AKT2: variants seen among roughly 807,000 people sequenced by gnomAD.
AKT2 encodes the protein AKT serine/threonine kinase 2, also known as RAC-beta serine/threonine-protein kinase.
In AKT2, 16 loss-of-function variants were observed where a neutral mutation model predicts 58.6. The observed-to-expected ratio is 0.27, with a 90% confidence interval of 0.18 to 0.41. The LOEUF (loss-of-function observed/expected upper bound fraction) is 0.41, where lower values mean the gene tolerates loss of function less well. Among genes scored for constraint, AKT2 ranks in the 10% least tolerant of loss-of-function variants. The probability of loss-of-function intolerance (pLI) is 1.00; values close to 1 mark genes in which losing one functional copy is unlikely to be tolerated. For synonymous variants in AKT2, 253 were observed against 254.0 expected (o/e 1.00, Z 0.04); for missense variants, 438 against 661.0 (o/e 0.66, Z 3.70).
At chr19:40,236,602 T>C (rs771651130) in intron 9 of AKT2, 479 of 630,032 alleles carry the variant, frequency 7.6e-4, no homozygotes, top group Non-Finnish European at 1.2e-3. Flanking sequence ...TGGGAACAGC[T>C]GGGCAGGGAG....
chr19:40,275,137 C>T (rs898223887), intron 1 of AKT2: 1 of 456,812 alleles, frequency 2.2e-6, no homozygotes, highest in Non-Finnish European at 4.4e-6. Context: ...AGCCAAGGAG[C>T]CCGGACCCCT....
chr19:40,271,445 A>C (rs1348917322), intron 1 of AKT2, among the ~76,000 whole-genome samples: 4 of 147,618 alleles, frequency 2.7e-5, no homozygotes, highest in African/African-American at 7.6e-5. Context: ...AAAAAAAAAA[A>C]CCAAAAAACC....
At position 40,252,603 on chromosome 19, in the gene AKT2, TCC is replaced by T. The variant is rs893148312; in HGVS notation, c.287+2553_287+2554del. 2.0e-4 allele frequency among the ~76,000 whole-genome samples: 12 copies of T among 59,440 alleles called. No individual in the cohort carries two copies. In the Admixed American group the frequency reaches 2.8e-3, roughly 14 times the overall value. 39.0% of individuals were successfully genotyped at this position (59,440 alleles called of 152,430 possible). On this transcript the variant is annotated intron_variant, in intron 4 of 13. Transcript: ENST00000392038. ...GTGCCTGCCAAGCCCTGTGGGGATC[TCC>T]ACCTGGAGTCCAAGGCCTTGGCTGA...
chr19:40,242,747 G>A lies in AKT2; in HGVS notation c.288-60C>T. 1 of 1,583,596 alleles carries A rather than the reference G, an allele frequency of 6.3e-7. No homozygotes were observed. Among genetic ancestry groups the A allele is most frequent in the Non-Finnish European group, 8.6e-7 (1 of 1,165,338 alleles). On this transcript the variant is annotated intron_variant, in intron 4 of 13. Transcript: ENST00000392038. The surrounding 1 kb of genome is among the most constrained non-coding windows in gnomAD (Gnocchi z 4.3). ...GAGTCCTGGGCCTCAGAGTCGAACA[G>A]CTGAGTGCCACCTCCCAGCCACCCC...
At position 40,234,061 on chromosome 19, in the gene AKT2, G is replaced by A; in HGVS notation, c.1367-110C>T. The A allele has an allele frequency of 9.3e-7, 1 of 1,077,520 alleles. No homozygotes were observed. Among genetic ancestry groups the A allele is most frequent in the Non-Finnish European group, 1.3e-6 (1 of 747,414 alleles). The allele number at this position is 1,077,520 out of a possible 1,614,324, so 66.7% of individuals were successfully genotyped here. A position where few individuals can be genotyped will look rare whatever the true frequency, so the allele number is the denominator to read the frequency against. On this transcript the variant is annotated intron_variant, in intron 13 of 13. Transcript: ENST00000392038. The surrounding 1 kb of genome is among the most constrained non-coding windows in gnomAD (Gnocchi z 4.7). ...GCTGGCGGGGGCTGCCCACAGGACAGGACAGGAAAGGCCCATCCCTCCGCA... is the reference window on the plus strand; with the variant it reads ...GCTGGCGGGGGCTGCCCACAGGACAAGACAGGAAAGGCCCATCCCTCCGCA...
chr19:40,266,048 G>T (rs1295917774), intron 1 of AKT2: 1 of 152,836 alleles, frequency 6.5e-6, no homozygotes, highest in Non-Finnish European at 1.5e-5. Context: ...GCCAGTCCTG[G>T]GGGCTTGACC....
chr19:40,275,436 C>T (rs1174004998), intron 1 of AKT2: 1 of 402,010 alleles, frequency 2.5e-6, no homozygotes, highest in Non-Finnish European at 5.1e-6. Flanking sequence ...ACTCACAAAG[C>T]ACCAGGCATG....
At position 40,235,602 on chromosome 19, in the gene AKT2, C is replaced by T. The variant is rs1246539184; in HGVS notation, c.1176-252G>A. ...GAGTCCAGAAAGGGAGTTAGTAGGG[C>T]AGGCTCCGTTCCTATCCTGGCTCTG... On this transcript the variant is annotated intron_variant, in intron 11 of 13. Transcript: ENST00000392038. The surrounding 1 kb of genome is among the most constrained non-coding windows in gnomAD (Gnocchi z 6.3). 2 of 617,844 alleles carry T rather than the reference C, an allele frequency of 3.2e-6. No homozygotes were observed. Among genetic ancestry groups the T allele is most frequent in the Non-Finnish European group, 5.7e-6 (2 of 348,364 alleles). The allele number at this position is 617,844 out of a possible 1,614,324, so 38.3% of individuals were successfully genotyped here. A position where few individuals can be genotyped will look rare whatever the true frequency, so the allele number is the denominator to read the frequency against.
rs1861036282 is a variant in AKT2, at chr19:40,232,344, G to C, written c.*1528C>G. Reference sequence around the variant, plus strand: ...CAGGCTGGGCCCTGGTCTGAAATGAGTGTCTTTATTGCTTGTACCGTACAA... The same window carrying C: ...CAGGCTGGGCCCTGGTCTGAAATGACTGTCTTTATTGCTTGTACCGTACAA... On this transcript the variant is annotated 3_prime_UTR_variant, in exon 14 of 14. Transcript: ENST00000392038. The C allele has an allele frequency of 4.3e-6, 1 of 233,662 alleles. No individual in the cohort carries two copies. The highest frequency in any genetic ancestry group is 2.2e-5 in the African/African-American group (1 of 45,304). The allele number at this position is 233,662 out of a possible 1,614,324, so 14.5% of individuals were successfully genotyped here.
chr19:40,253,198 A>AG (rs907240774), intron 4 of AKT2, among the ~76,000 whole-genome samples: 1 of 152,232 alleles, frequency 6.6e-6, no homozygotes, highest in African/African-American at 2.4e-5. Flanking sequence ...CAATTGGCAC[A>AG]GGTGCCTACT....
At chr19:40,239,076 C>T (rs551299940) in intron 7 of AKT2, 103 bp from the exon 8 acceptor site, 1 of 1,256,526 alleles carries the variant, frequency 8.0e-7, no homozygotes, top group African/African-American at 1.5e-5. Flanking sequence ...CACACACACC[C>T]TGCCCTGGCT....
intron 1 of AKT2, chr19:40,282,333 G>A (rs999084378): frequency 1.3e-5 from 5 of 381,154 alleles, no homozygotes; most frequent in African/African-American, 4.2e-5. Flanking sequence ...TGTGGTCCAA[G>A]GTCGCAGAGC....
chr19:40,261,656 C>A (rs564322260), intron 2 of AKT2, among the ~76,000 whole-genome samples: 1 of 152,000 alleles, frequency 6.6e-6, no homozygotes, highest in African/African-American at 2.4e-5. Flanking sequence ...ACCTCCAGAA[C>A]GGTAAGAAAT....
chr19:40,247,759 G>A (rs1162967950), intron 4 of AKT2, among the ~76,000 whole-genome samples: 1 of 152,132 alleles, frequency 6.6e-6, no homozygotes, highest in African/African-American at 2.4e-5. Context: ...CGCCCTCCCA[G>A]CAACCCTGTG....
At position 40,242,256 on chromosome 19, in the gene AKT2, C is replaced by T; in HGVS notation, c.442-187G>A. On this transcript the variant is annotated intron_variant, in intron 5 of 13. Coordinates refer to ENST00000392038, the MANE Select transcript of AKT2 (RefSeq NM_001626.6). This position sits in a 1 kb window ranked among gnomAD's most constrained non-coding sequence, Gnocchi z 4.3. ...GCCTTCAGACCAGGCTCTGCAGGCACAGGGCCTTGGGAGGGCTGGGCTCTG... is the reference window on the plus strand; with the variant it reads ...GCCTTCAGACCAGGCTCTGCAGGCATAGGGCCTTGGGAGGGCTGGGCTCTG... 1.1e-6 allele frequency: 1 copy of T among 949,406 alleles called. No individual in the cohort carries two copies. Among genetic ancestry groups the T allele is most frequent in the South Asian group, 1.5e-5 (1 of 68,026 alleles). The allele number at this position is 949,406 out of a possible 1,614,324, so 58.8% of individuals were successfully genotyped here. A position where few individuals can be genotyped will look rare whatever the true frequency, so the allele number is the denominator to read the frequency against.
chr19:40,267,914 G>A (rs1464742203), intron 1 of AKT2, among the ~76,000 whole-genome samples: 5 of 151,340 alleles, frequency 3.3e-5, no homozygotes, highest in Non-Finnish European at 5.9e-5. Flanking sequence ...CGGGACTTGC[G>A]AGCAGACACC....
chr19:40,277,263 C>A (rs1417539330), intron 1 of AKT2, among the ~76,000 whole-genome samples: 1 of 152,200 alleles, frequency 6.6e-6, no homozygotes, highest in Non-Finnish European at 1.5e-5. Flanking sequence ...TAATTTCCAA[C>A]ATGCCCCTAC....
chr19:40,255,062 T>G, intron 4 of AKT2, 96 bp downstream of exon 4: 3 of 1,009,114 alleles, frequency 3.0e-6, no homozygotes, highest in Middle Eastern at 2.1e-4. Flanking sequence ...GAAACCCCTA[T>G]GTAGGGTCCC....
At chr19:40,245,268 G>A (rs563473545) in intron 4 of AKT2, among the ~76,000 whole-genome samples, 1 of 152,294 alleles carries the variant, frequency 6.6e-6, no homozygotes, top group East Asian at 1.9e-4. Flanking sequence ...GATGGGCAAG[G>A]TAGCTCACTC....
Sources: gnomAD v4.1 joint callset for allele counts (sites outside exome capture counted in the v4.1 genomes callset) on GRCh38, gnomAD v4.1.1 for gene constraint, Gnocchi (gnomAD v3.1) non-coding constraint, MANE v1.5 for transcripts, NCBI Gene and HGNC (gene_info 2026-07-23, HGNC 2026-07-21) for gene names.